The following DLG1 variants were observed in gnomAD, a reference collection of about 807,000 sequenced individuals.
DLG1 encodes disks large homolog 1.
A neutral mutation model predicts 123.4 loss-of-function variants in DLG1; 42 were observed. That is an observed-to-expected ratio of 0.34 (90% confidence interval 0.27 to 0.44). The LOEUF is 0.44. DLG1 is among the 20% of genes least tolerant of loss of function. The pLI is 1.00. For synonymous variants in DLG1, 317 were observed against 356.2 expected (o/e 0.89, Z 1.24); for missense variants, 942 against 1,082.6 (o/e 0.87, Z 1.82).
intron 4 of DLG1, among the ~76,000 whole-genome samples, chr3:197,243,805 GCAGTTATCTGATTTCGGGCTTTAAATT>G (rs1401050183): frequency 2.6e-5 from 4 of 152,132 alleles, no homozygotes; most frequent in African/African-American, 9.7e-5. Flanking sequence ...CTCAGACCCT[GCAGTTATCTGATTTCGGGCTTTAAATT>G]CATTTCGTAC....
At chr3:197,147,185 T>C (rs1052406324) in intron 6 of DLG1, among the ~76,000 whole-genome samples, 3 of 152,064 alleles carry the variant, frequency 2.0e-5, no homozygotes, top group Non-Finnish European at 2.9e-5. Flanking sequence ...TTTTACACTG[T>C]TGATGGGAAT....
chr3:197,081,742 C>A (rs1263276107), intron 16 of DLG1, among the ~76,000 whole-genome samples: 1 of 152,142 alleles, frequency 6.6e-6, no homozygotes, highest in East Asian at 1.9e-4. Context: ...AACTGTTAAT[C>A]TTTACCCCTA....
Position 197,065,737 on chromosome 3 carries a change from A to C in DLG1, c.2171T>G (p.Phe724Cys). Reference sequence around the variant, plus strand: ...AACACAGGATCCAAATTTGTCAGGAAATTCTGAGATCAAGTCATCATTTAT... The same window carrying C: ...AACACAGGATCCAAATTTGTCAGGACATTCTGAGATCAAGTCATCATTTAT... ...DRINDDLISE[F>C]PDKFGSCVPH... is the part of the protein sequence containing the mutation. The change falls in exon 21 of 25, where the codon TTT (phenylalanine) becomes TGT (cysteine). Residue 724 changes from phenylalanine to cysteine, a missense_variant. By Grantham distance (205) the Phe-to-Cys change is radical. Coordinates refer to ENST00000667157, the MANE Select transcript of DLG1 (RefSeq NM_001366207.1). 6.2e-7 allele frequency: 1 copy of C among 1,612,184 alleles called. No individual in the cohort carries two copies. The highest frequency in any genetic ancestry group is 8.5e-7 in the Non-Finnish European group (1 of 1,178,846).
At chr3:197,139,980 G>A (rs1221856066) in intron 8 of DLG1, among the ~76,000 whole-genome samples, 160 bp downstream of exon 8, 1 of 152,182 alleles carries the variant, frequency 6.6e-6, no homozygotes, top group Non-Finnish European at 1.5e-5. Context: ...AATGCTTAGA[G>A]CATAATTATC....
intron 5 of DLG1, among the ~76,000 whole-genome samples, chr3:197,153,633 G>A (rs1285638280): frequency 6.6e-6 from 1 of 152,202 alleles, no homozygotes; most frequent in East Asian, 1.9e-4. Flanking sequence ...ACTTCCAGGA[G>A]ATTGAAAGAG....
intron 17 of DLG1, among the ~76,000 whole-genome samples, chr3:197,077,074 C>A (rs1194725569): frequency 1.9e-4 from 29 of 152,120 alleles, no homozygotes. Context: ...TGCTCAATTA[C>A]ATTTTATTCA....
At chr3:197,181,428 A>G (rs2150134928) in intron 5 of DLG1, among the ~76,000 whole-genome samples, 1 of 152,302 alleles carries the variant, frequency 6.6e-6, no homozygotes, top group African/African-American at 2.4e-5. Flanking sequence ...TATATATTAT[A>G]TGCTCTAAGT....
intron 4 of DLG1, among the ~76,000 whole-genome samples, chr3:197,197,437 G>A (rs1392096450): frequency 6.6e-6 from 1 of 152,202 alleles, no homozygotes; most frequent in Admixed American, 6.5e-5. Flanking sequence ...TGTATAAAGA[G>A]ATACTTCACC....
chr3:197,271,312 C>T (rs1266894593), intron 4 of DLG1, among the ~76,000 whole-genome samples: 1 of 152,194 alleles, frequency 6.6e-6, no homozygotes, highest in African/African-American at 2.4e-5. Context: ...TCTTTCCTTG[C>T]AGAGTCCTAA....
At chr3:197,131,333 T>C (rs780073681) in intron 10 of DLG1, among the ~76,000 whole-genome samples, 1 of 152,206 alleles carries the variant, frequency 6.6e-6, no homozygotes, top group Non-Finnish European at 1.5e-5. Context: ...AAAAAATCTG[T>C]AAAATGATGC....
At chr3:197,296,879 T>C (rs338214) in intron 2 of DLG1, 216,930 of 377,012 alleles carry the variant, frequency 0.58, 64,054 homozygotes, top group East Asian at 0.74. Context: ...CACAGTTGCT[T>C]ACAGAATAGT....
rs527709899 is a variant in DLG1, at chr3:197,063,888, T to G, written c.2373+1388A>C. Reference sequence around the variant, plus strand: ...TCTTCATATTTCTCCCTGAATCTGATAGGGGAGAAATTGAATTTAGAGTAG... The same window carrying G: ...TCTTCATATTTCTCCCTGAATCTGAGAGGGGAGAAATTGAATTTAGAGTAG... On this transcript the variant is annotated intron_variant, in intron 22 of 24. Coordinates refer to ENST00000667157, the MANE Select transcript of DLG1 (RefSeq NM_001366207.1). Among the ~76,000 whole-genome samples the G allele has an allele frequency of 9.3e-4, 142 of 151,912 alleles. 1 individual carries two copies. The highest frequency in any genetic ancestry group is 3.1e-3 in the African/African-American group (128 of 41,428).
chr3:197,230,265 G>A (rs1440344796), intron 4 of DLG1, among the ~76,000 whole-genome samples: 1 of 152,080 alleles, frequency 6.6e-6, no homozygotes. Context: ...ATAAACAAAT[G>A]TAAATATGAA....
rs142337116 is a variant in DLG1 at position 197,136,635 on chromosome 3, A to T, written c.927T>A (p.Ile309=). 8 of 1,613,366 alleles carry T rather than the reference A, an allele frequency of 5.0e-6. No individual in the cohort carries two copies. In the African/African-American group the frequency reaches 1.1e-4, roughly 22 times the overall value. The change falls in exon 10 of 25, where the codon ATT becomes ATA. Residue 309 remains isoleucine (I), a synonymous_variant. Coordinates refer to ENST00000667157, the MANE Select transcript of DLG1 (RefSeq NM_001366207.1). ...TTACATAGATGCTATTATCCCCAGG[A>T]ATATGCTGATTTCCAACACCTCCAG... The part of the protein sequence containing the change: ...SIAGGVGNQH[I]PGDNSIYVTK...
chr3:197,058,212 TCAAA>T (rs1281095786), intron 23 of DLG1, among the ~76,000 whole-genome samples: 3 of 152,150 alleles, frequency 2.0e-5, no homozygotes, highest in Non-Finnish European at 2.9e-5. Flanking sequence ...ACTCCTGAAC[TCAAA>T]CAATCCGCCC....
rs1456051475 is a variant in DLG1 at position 197,138,075 on chromosome 3, TAG to T, written c.883+145_883+146del. 6.9e-6 allele frequency: 3 copies of T among 433,890 alleles called. No individual in the cohort carries two copies. In the Admixed American group the frequency reaches 1.3e-4, roughly 19 times the overall value. 26.9% of individuals were successfully genotyped at this position (433,890 alleles called of 1,614,324 possible). On this transcript the variant is annotated intron_variant, in intron 9 of 24. Coordinates refer to ENST00000667157, the MANE Select transcript of DLG1 (RefSeq NM_001366207.1). ...AAATGCTACGTAAGACAAAAATCAG[TAG>T]AAATAACGGAGAAATTAAAATCCAC...
rs1793281761 is a variant in DLG1, at chr3:197,150,408, G to C, written c.484-612C>G. Reference sequence around the variant, plus strand: ...AAATAAGCAGAATAACACACACCTAGTTAAGTTTGGATTGAAAAAAAATCT... The same window carrying C: ...AAATAAGCAGAATAACACACACCTACTTAAGTTTGGATTGAAAAAAAATCT... On this transcript the variant is annotated intron_variant, in intron 5 of 24. Coordinates refer to ENST00000667157, the MANE Select transcript of DLG1 (RefSeq NM_001366207.1). Among the ~76,000 whole-genome samples the C allele has an allele frequency of 2.6e-5, 4 of 151,918 alleles. 1 individual carries two copies. In the South Asian group the frequency reaches 8.3e-4, roughly 31 times the overall value.
intron 5 of DLG1, among the ~76,000 whole-genome samples, chr3:197,151,591 A>G (rs1793873180): frequency 6.6e-6 from 1 of 152,262 alleles, no homozygotes; most frequent in Admixed American, 6.5e-5. Flanking sequence ...ATGGGTATAC[A>G]TAGAGTTCAT....
intron 4 of DLG1, among the ~76,000 whole-genome samples, chr3:197,271,544 C>G (rs1015266846): frequency 6.6e-6 from 1 of 152,148 alleles, no homozygotes; most frequent in Middle Eastern, 3.2e-3. Flanking sequence ...TAAAAACAGA[C>G]ACCTAACAAT....
Sources: gnomAD v4.1 joint callset for allele counts (sites outside exome capture counted in the v4.1 genomes callset) on GRCh38, gnomAD v4.1.1 for gene constraint, MANE v1.5 for transcripts, NCBI Gene and HGNC (gene_info 2026-07-23, HGNC 2026-07-21) for gene names.